Variants in PTPRA observed in about 807,000 individuals in gnomAD.
The protein encoded by PTPRA is protein tyrosine phosphatase receptor type A.
Under a neutral mutation model 104.8 loss-of-function variants are expected in PTPRA, and 25 were observed. The observed-to-expected ratio is 0.24, with a 90% CI of 0.17 to 0.33. The LOEUF (loss-of-function observed/expected upper bound fraction) is 0.33, where lower values mean the gene tolerates loss of function less well. Among genes scored for constraint, PTPRA ranks in the 10% least tolerant of loss-of-function variants. The pLI is 1.00. For synonymous variants in PTPRA, 323 were observed against 368.9 expected (o/e 0.88, Z 1.43); for missense variants, 765 against 1,015.3 (o/e 0.75, Z 3.35).
chr20:3,021,461 T>G (rs746359682), intron 14 of PTPRA, 33 bp downstream of exon 14: 3 of 1,612,118 alleles, frequency 1.9e-6, no homozygotes, highest in South Asian at 1.1e-5. Context: ...TCAGTTCTTA[T>G]GTTGGATCTG....
chr20:2,931,719 TGTG>T (rs2060511723), intron 2 of PTPRA, among the ~76,000 whole-genome samples: 1 of 654 alleles, frequency 1.5e-3, no homozygotes, highest in African/African-American at 2.9e-3. Flanking sequence ...GGTCTTGGCT[TGTG>T]TGTGTGTGTG....
At chr20:2,904,788 AAAAG>A (rs1307574329) in intron 1 of PTPRA, among the ~76,000 whole-genome samples, 2 of 152,172 alleles carry the variant, frequency 1.3e-5, no homozygotes, top group Non-Finnish European at 2.9e-5. Context: ...GTGAAATGAA[AAAAG>A]AAAGAAAAAA....
chr20:2,976,869 G>A (rs2062453920), intron 6 of PTPRA, among the ~76,000 whole-genome samples: 1 of 152,200 alleles, frequency 6.6e-6, no homozygotes, highest in Non-Finnish European at 1.5e-5. Context: ...GGGTGCTTTT[G>A]AACAGTAGTG....
chr20:3,021,510 T>C, intron 14 of PTPRA, 82 bp downstream of exon 14: 2 of 1,557,934 alleles, frequency 1.3e-6, no homozygotes, highest in Non-Finnish European at 1.8e-6. Context: ...CATCCCGCTG[T>C]GGTCAGGAGT....
At position 2,882,575 on chromosome 20, in the gene PTPRA, T is replaced by A. The variant is rs549423435; in HGVS notation, c.-129+8815T>A. On this transcript the variant is annotated intron_variant, in intron 1 of 23. Coordinates refer to ENST00000399903, the MANE Select transcript of PTPRA (RefSeq NM_001385305.1). ...TTCCAAAGTGCTGGGATTACAGGCA[T>A]GAGCCACCGTGCCAACTGTGCCAGG... Among the ~76,000 whole-genome samples the A allele has an allele frequency of 2.0e-5, 3 of 152,314 alleles. No homozygotes were observed. In the East Asian group the frequency reaches 5.8e-4, roughly 29 times the overall value.
intron 16 of PTPRA, among the ~76,000 whole-genome samples, chr20:3,023,414 C>T (rs2064981339): frequency 6.6e-6 from 1 of 152,128 alleles, no homozygotes; most frequent in African/African-American, 2.4e-5. Context: ...CCTGCTCGTC[C>T]CTGGGAATGG....
chr20:2,894,241 A>G (rs895821478), intron 1 of PTPRA, among the ~76,000 whole-genome samples: 3 of 152,248 alleles, frequency 2.0e-5, no homozygotes, highest in African/African-American at 7.2e-5. Flanking sequence ...CATTAAAACC[A>G]GAAACTTTCA....
rs759061434 is a variant in PTPRA at position 3,017,895 on chromosome 20, C to T, written c.1023C>T (p.Asn341=). 3.7e-5 allele frequency: 60 copies of T among 1,613,994 alleles called. 1 individual carries two copies. In the South Asian group the frequency reaches 6.3e-4, roughly 17 times the overall value. ...CAGCCACCATCGTCATGGTTACCAA[C>T]CTGAAGGAGAGAAAGGAGGTAAGTG... The part of the protein sequence containing the change: ...QNTATIVMVT[N]LKERKECKCA... The change falls in exon 13 of 24, where the codon AAC becomes AAT. Residue 341 remains asparagine, a synonymous_variant. Transcript: ENST00000399903.
At chr20:2,988,506 A>C (rs756912525) in intron 9 of PTPRA, 32 bp downstream of exon 9, 1 of 1,606,800 alleles carries the variant, frequency 6.2e-7, no homozygotes. Context: ...GTGTATCAGC[A>C]GGGAAGAAGG....
intron 9 of PTPRA, among the ~76,000 whole-genome samples, chr20:2,990,607 C>G (rs1052220330): frequency 6.6e-6 from 1 of 152,150 alleles, no homozygotes; most frequent in Admixed American, 6.5e-5. Flanking sequence ...TGGTACATGC[C>G]TGCAGTCTCA....
Position 2,884,794 on chromosome 20 carries a change from G to T in PTPRA, c.-129+11034G>T, listed in dbSNP as rs571266271. ...TGCTGAGTCAAATGGTAACTCTCTG[G>T]TTTTTTTTGTTTTTTTTGTTTTTTT... On this transcript the variant is annotated intron_variant, in intron 1 of 23. Transcript: ENST00000399903. Among the ~76,000 whole-genome samples the T allele has an allele frequency of 1.4e-3, 165 of 120,614 alleles. 1 individual carries two copies. Among genetic ancestry groups the T allele is most frequent in the African/African-American group, 4.3e-3 (122 of 28,276 alleles). 79.1% of individuals were successfully genotyped at this position (120,614 alleles called of 152,430 possible).
chr20:2,875,649 T>A (rs2089672157), intron 1 of PTPRA, among the ~76,000 whole-genome samples: 2 of 152,224 alleles, frequency 1.3e-5, no homozygotes, highest in Admixed American at 6.5e-5. Flanking sequence ...TATTTTTTAT[T>A]TGCCTTGTGA....
chr20:2,882,180 A>G (rs1480246881), intron 1 of PTPRA, among the ~76,000 whole-genome samples: 1 of 152,218 alleles, frequency 6.6e-6, no homozygotes, highest in East Asian at 1.9e-4. Context: ...TGAACAAACA[A>G]TATTAGAACA....
chr20:2,870,065 C>G (rs1385947278), upstream of PTPRA, among the ~76,000 whole-genome samples: 1 of 92,318 alleles, frequency 1.1e-5, no homozygotes, highest in African/African-American at 6.7e-5. Flanking sequence ...ATACAAAGTT[C>G]CAGTGAAAGA....
intron 5 of PTPRA, among the ~76,000 whole-genome samples, chr20:2,967,168 G>T (rs2061976716): frequency 1.3e-5 from 2 of 152,142 alleles, no homozygotes; most frequent in African/African-American, 4.8e-5. Context: ...CACTTTTGCG[G>T]TCTTTCCACT....
rs1450938151 is a variant in PTPRA at position 3,026,668 on chromosome 20, C to T, written c.1615-19C>T. On this transcript the variant is annotated intron_variant, in intron 17 of 23. Transcript: ENST00000399903. ...AGTTACTGGGATCAGTAATGTTTCCCCTCCCCTTCCCAATTCAGAAGTTAA... is the reference window on the plus strand; with the variant it reads ...AGTTACTGGGATCAGTAATGTTTCCTCTCCCCTTCCCAATTCAGAAGTTAA... 4 of 1,578,660 alleles carry T rather than the reference C, an allele frequency of 2.5e-6. No homozygotes were observed. The highest frequency in any genetic ancestry group is 1.1e-5 in the South Asian group (1 of 90,302).
At chr20:2,953,694 G>A (rs574768009) in intron 3 of PTPRA, among the ~76,000 whole-genome samples, 45 of 149,674 alleles carry the variant, frequency 3.0e-4, no homozygotes, top group African/African-American at 8.6e-4. Flanking sequence ...CTCAACCTCC[G>A]TCTCCTGGGT....
At chr20:2,869,040 C>CT (rs547771791), upstream of PTPRA, among the ~76,000 whole-genome samples, 1 of 152,224 alleles carries the variant, frequency 6.6e-6, no homozygotes, top group Non-Finnish European at 1.5e-5. Context: ...GTTTTGTATA[C>CT]TTTTTTGTAA....
intron 7 of PTPRA, 75 bp downstream of exon 7, chr20:2,986,924 C>T: frequency 7.9e-7 from 1 of 1,263,080 alleles, no homozygotes; most frequent in East Asian, 2.3e-5. Context: ...CCACACAGTC[C>T]AGTAGACAGT....
Sources: gnomAD v4.1 joint callset for allele counts (sites outside exome capture counted in the v4.1 genomes callset) on GRCh38, gnomAD v4.1.1 for gene constraint, MANE v1.5 for transcripts, NCBI Gene and HGNC (gene_info 2026-07-23, HGNC 2026-07-21) for gene names.